The following DNAH7 variants were observed in gnomAD, a reference collection of about 807,000 sequenced individuals.
DNAH7 encodes the protein dynein axonemal heavy chain 7.
Under a neutral mutation model 444.6 loss-of-function variants are expected in DNAH7, and 397 were observed. The observed-to-expected ratio is 0.89, with a 90% CI of 0.82 to 0.97. DNAH7 has a LOEUF of 0.97. Ranked by LOEUF, DNAH7 falls within the 50% of genes least tolerant of loss-of-function variation. DNAH7 has a pLI of 0.00. For missense variants in DNAH7, 4,902 were observed against 4,800.8 expected (o/e 1.02, Z -0.62); for synonymous variants, 1,636 against 1,624.4 (o/e 1.01, Z -0.17).
chr2:196,041,906 C>T (rs115990833), intron 5 of DNAH7, among the ~76,000 whole-genome samples: 223 of 151,608 alleles, frequency 1.5e-3, no homozygotes, highest in African/African-American at 5.2e-3. Flanking sequence ...GCAAATGATC[C>T]AAATAGATAT....
chr2:195,897,255 C>A (rs558513385), intron 29 of DNAH7, among the ~76,000 whole-genome samples: 3 of 152,018 alleles, frequency 2.0e-5, no homozygotes, highest in Non-Finnish European at 2.9e-5. Flanking sequence ...TCATAAAAGT[C>A]ATCTCATTTA....
At chr2:195,826,819 G>C (rs369838319) in intron 48 of DNAH7, among the ~76,000 whole-genome samples, 1 of 152,162 alleles carries the variant, frequency 6.6e-6, no homozygotes, top group African/African-American at 2.4e-5. Context: ...TGAAAGGACA[G>C]TGTATCTAAA....
At chr2:195,915,279 T>C (rs578173350) in intron 24 of DNAH7, among the ~76,000 whole-genome samples, 1 of 152,214 alleles carries the variant, frequency 6.6e-6, no homozygotes, top group Non-Finnish European at 1.5e-5. Context: ...TAAAAGGTGA[T>C]GTTCCAAAGG....
chr2:195,987,534 G>C (rs1693002902), intron 13 of DNAH7, among the ~76,000 whole-genome samples: 1 of 151,854 alleles, frequency 6.6e-6, no homozygotes, highest in South Asian at 2.1e-4. Context: ...ACATGTTCAT[G>C]GTAGAAAATT....
intron 1 of DNAH7, 106 bp downstream of exon 1, chr2:196,068,591 G>A: frequency 1.4e-6 from 2 of 1,442,946 alleles, no homozygotes; most frequent in East Asian, 2.5e-5. Context: ...GTACACCGCG[G>A]AGTCACAGCT....
At chr2:195,859,742 G>A (rs1481018375) in intron 42 of DNAH7, among the ~76,000 whole-genome samples, 1 of 152,122 alleles carries the variant, frequency 6.6e-6, no homozygotes, top group African/African-American at 2.4e-5. Flanking sequence ...AGAAAGTAAT[G>A]GGAACAGAGG....
intron 58 of DNAH7, among the ~76,000 whole-genome samples, chr2:195,782,339 A>C (rs1007690846): frequency 1.3e-5 from 2 of 152,196 alleles, no homozygotes; most frequent in African/African-American, 4.8e-5. Context: ...TGACTCAAGT[A>C]TAGCAGTTTT....
intron 5 of DNAH7, 33 bp downstream of exon 5, chr2:196,047,319 G>C: frequency 6.7e-7 from 1 of 1,501,478 alleles, no homozygotes; most frequent in South Asian, 1.4e-5. Context: ...CTCTAACATG[G>C]GTAACACGTA....
At chr2:195,972,545 T>C (rs1691918565) in intron 15 of DNAH7, 79 bp from the exon 16 acceptor site, 12 of 1,062,770 alleles carry the variant, frequency 1.1e-5, no homozygotes, top group Non-Finnish European at 1.7e-5. Flanking sequence ...ATACACTGTA[T>C]AACTATGCAC....
chr2:195,945,614 T>G (rs578212628), intron 19 of DNAH7, among the ~76,000 whole-genome samples: 21 of 152,280 alleles, frequency 1.4e-4, no homozygotes, highest in African/African-American at 4.6e-4. Context: ...GCAGATGATC[T>G]TTTCTGCTTT....
intron 40 of DNAH7, among the ~76,000 whole-genome samples, chr2:195,870,606 T>C (rs1009830878): frequency 6.6e-6 from 1 of 152,166 alleles, no homozygotes; most frequent in Admixed American, 6.5e-5. Context: ...GGTGATAGTA[T>C]TGCAGTGGAG....
intron 19 of DNAH7, among the ~76,000 whole-genome samples, chr2:195,951,899 G>A (rs1222086631): frequency 6.6e-6 from 1 of 152,120 alleles, no homozygotes; most frequent in African/African-American, 2.4e-5. Context: ...GACAGTCTGT[G>A]TCTTTTAATT....
Position 195,925,609 on chromosome 2 carries a change from G to A in DNAH7, c.3612+817C>T, listed in dbSNP as rs1330035473. 5.3e-5 allele frequency among the ~76,000 whole-genome samples: 8 copies of A among 152,080 alleles called. No homozygotes were observed. The East Asian group carries it at 1.5e-3, about 29-fold the overall frequency. On this transcript the variant is annotated intron_variant, in intron 22 of 64. Transcript: ENST00000312428. ...GAAGTAGGTGACCTGTTGGTAAGTT[G>A]GAGTGAATTAAACATGTGTCACTCA... is the stretch of plus-strand genomic sequence containing the variant.
At chr2:195,826,490 T>G (rs1255357589) in intron 48 of DNAH7, among the ~76,000 whole-genome samples, 1 of 152,206 alleles carries the variant, frequency 6.6e-6, no homozygotes, top group African/African-American at 2.4e-5. Flanking sequence ...AACCTGGCTG[T>G]CTGGCTCCTT....
At chr2:195,743,566 G>T (rs916838378) in intron 63 of DNAH7, among the ~76,000 whole-genome samples, 1 of 152,108 alleles carries the variant, frequency 6.6e-6, no homozygotes, top group African/African-American at 2.4e-5. Context: ...ATGGTAAAGG[G>T]GTAGAGATTG....
intron 3 of DNAH7, among the ~76,000 whole-genome samples, chr2:196,050,823 C>T (rs1037927578): frequency 4.6e-5 from 7 of 152,198 alleles, no homozygotes; most frequent in Non-Finnish European, 1.0e-4. Flanking sequence ...CAACTCAGCT[C>T]ATTTTCAAAC....
Position 195,864,304 on chromosome 2 carries a change from C to A in DNAH7, c.7351G>T (p.Asp2451Tyr). Residue 2451 changes from aspartate (D) to tyrosine (Y), a missense_variant, in exon 41 of 65, where the codon GAT (aspartate) becomes TAT (tyrosine). Transcript: ENST00000312428. The part of the protein sequence containing the change: ...DRQRDKTKQT[D>Y]GSPIALFNMF... ...TTGAAAAGGGCTATGGGGCTGCCAT[C>A]TGTTTGCTTGGTTTTATCCCGCTGG... 1 of 1,614,144 alleles carries A rather than the reference C, an allele frequency of 6.2e-7. No homozygotes were observed. The highest frequency in any genetic ancestry group is 8.5e-7 in the Non-Finnish European group (1 of 1,180,020).
chr2:195,877,720 G>C (rs1009932288), intron 36 of DNAH7, among the ~76,000 whole-genome samples: 2 of 152,178 alleles, frequency 1.3e-5, no homozygotes, highest in African/African-American at 2.4e-5. Context: ...TAGAAAATAA[G>C]GAAGACGTAG....
At chr2:195,745,335 C>G (rs541851637) in intron 63 of DNAH7, among the ~76,000 whole-genome samples, 1 of 152,244 alleles carries the variant, frequency 6.6e-6, no homozygotes, top group South Asian at 2.1e-4. Flanking sequence ...AACAAAGCCT[C>G]CAAGAAATAT....
Sources: gnomAD v4.1 joint callset for allele counts (sites outside exome capture counted in the v4.1 genomes callset) on GRCh38, gnomAD v4.1.1 for gene constraint, MANE v1.5 for transcripts, NCBI Gene and HGNC (gene_info 2026-07-23, HGNC 2026-07-21) for gene names.